The following MED12L variants were observed in gnomAD, a reference collection of about 807,000 sequenced individuals.
MED12L encodes mediator of RNA polymerase II transcription subunit 12-like protein.
In MED12L, 60 loss-of-function variants were observed where a neutral mutation model predicts 281.3. That is an observed-to-expected ratio of 0.21 (90% confidence interval 0.17 to 0.26). MED12L has a LOEUF of 0.26. Among genes scored for constraint, MED12L ranks in the 10% least tolerant of loss-of-function variants. The pLI, the probability that MED12L is intolerant of heterozygous loss-of-function variation, is 1.00. For synonymous variants in MED12L, 974 were observed against 987.2 expected, an observed-to-expected ratio of 0.99 and a Z score of 0.25; for missense variants, 2,146 against 2,680.9, an observed-to-expected ratio of 0.80 and a Z score of 4.41.
chr3:151,294,742 G>C (rs1300825179), intron 16 of MED12L: 1 of 1,614,084 alleles, frequency 6.2e-7, no homozygotes, highest in East Asian at 2.2e-5. Context: ...AAACAGCCAT[G>C]ATCACCCAAA....
At chr3:151,337,625 T>G (rs1040411530) in intron 16 of MED12L, 9 of 603,302 alleles carry the variant, frequency 1.5e-5, no homozygotes, top group Non-Finnish European at 2.0e-5. Context: ...ACAGTTTAGA[T>G]TAGTTTTCTA....
At chr3:151,188,292 A>C in intron 12 of MED12L, 62 bp from the exon 13 acceptor site, 1 of 1,356,634 alleles carries the variant, frequency 7.4e-7, no homozygotes, top group Admixed American at 2.0e-5. Context: ...AAATTAACAA[A>C]TTCATGATCT....
chr3:151,394,894 C>T, intron 39 of MED12L, 27 bp downstream of exon 39: 2 of 1,612,214 alleles, frequency 1.2e-6, no homozygotes, highest in South Asian at 1.1e-5. Context: ...GCAATGGAGT[C>T]CTTTGCATTT....
At chr3:151,291,218 A>G (rs1350073406) in intron 16 of MED12L, among the ~76,000 whole-genome samples, 2 of 149,276 alleles carry the variant, frequency 1.3e-5, no homozygotes, top group Admixed American at 6.7e-5. Flanking sequence ...TGGTCATTAC[A>G]TGTTTTTATG....
At chr3:151,205,437 T>C (rs1026266101) in intron 16 of MED12L, among the ~76,000 whole-genome samples, 2 of 152,238 alleles carry the variant, frequency 1.3e-5, no homozygotes, top group African/African-American at 4.8e-5. Context: ...ATACAAAACG[T>C]GCTTTTGATT....
At chr3:151,373,939 C>T (rs889021342) in intron 27 of MED12L, among the ~76,000 whole-genome samples, 2 of 152,110 alleles carry the variant, frequency 1.3e-5, no homozygotes, top group Admixed American at 6.6e-5. Context: ...ATTCTACGAC[C>T]TGTCTGCAGA....
Position 151,405,775 on chromosome 3 carries a change from C to G in MED12L, c.5821-3468C>G, listed in dbSNP as rs112707403. On this transcript the variant is annotated intron_variant, in intron 39 of 44. Coordinates refer to ENST00000687756, the MANE Select transcript of MED12L (RefSeq NM_001393769.1). ...AATAGGGAGAAATTAAGTTACTCTT[C>G]AGATACTAATGCTGGCAGGAAGAAG... 4.2e-3 allele frequency among the ~76,000 whole-genome samples: 632 copies of G among 152,276 alleles called. 4 individuals are homozygous for G. Among genetic ancestry groups the G allele is most frequent in the Admixed American group, 0.01 (159 of 15,294 alleles).
intron 16 of MED12L, among the ~76,000 whole-genome samples, chr3:151,273,400 G>GTTTT (rs1167031698): frequency 2.7e-5 from 2 of 73,122 alleles, no homozygotes; most frequent in South Asian, 6.0e-4. Context: ...GCTAATTTTT[G>GTTTT]TATTTTTTTT....
intron 36 of MED12L, among the ~76,000 whole-genome samples, chr3:151,386,492 C>T (rs755053550): frequency 1.2e-4 from 19 of 152,004 alleles, no homozygotes; most frequent in African/African-American, 2.9e-4. Context: ...CGGGTTCAAA[C>T]GATTCTCCTG....
At chr3:151,303,619 C>T (rs559160721) in intron 16 of MED12L, among the ~76,000 whole-genome samples, 1 of 152,200 alleles carries the variant, frequency 6.6e-6, no homozygotes, top group South Asian at 2.1e-4. Flanking sequence ...AACAATTAGC[C>T]AGATGATGTT....
intron 16 of MED12L, chr3:151,213,197 A>C: frequency 2.3e-6 from 2 of 876,468 alleles, no homozygotes; most frequent in Non-Finnish European, 3.5e-6. Flanking sequence ...TGGCAGTGCT[A>C]GAGATGATAT....
intron 11 of MED12L, among the ~76,000 whole-genome samples, chr3:151,184,640 C>A (rs902489921): frequency 6.6e-6 from 1 of 152,200 alleles, no homozygotes; most frequent in Admixed American, 6.5e-5. Context: ...CATCCTCAGT[C>A]GCTGGTGCCT....
At chr3:151,353,413 A>G (rs1753490439) in intron 17 of MED12L, among the ~76,000 whole-genome samples, 1 of 152,242 alleles carries the variant, frequency 6.6e-6, no homozygotes, top group Non-Finnish European at 1.5e-5. Context: ...CATTGAAAAA[A>G]TAAGCAGGTT....
chr3:151,231,769 T>C (rs1054204860), intron 16 of MED12L, among the ~76,000 whole-genome samples: 3 of 152,166 alleles, frequency 2.0e-5, no homozygotes, highest in African/African-American at 7.2e-5. Context: ...TTAGGTAATA[T>C]TACTGAGTAA....
chr3:151,274,246 T>G (rs567206198), intron 16 of MED12L, among the ~76,000 whole-genome samples: 3 of 152,250 alleles, frequency 2.0e-5, no homozygotes, highest in Non-Finnish European at 4.4e-5. Context: ...TAACCTGTTA[T>G]TTTGGTTAAC....
At position 151,383,779 on chromosome 3, in the gene MED12L, G is replaced by A; in HGVS notation, c.4681G>A (p.Val1561Ile). 1 of 1,606,312 alleles carries A rather than the reference G, an allele frequency of 6.2e-7. No individual in the cohort carries two copies. The highest frequency in any genetic ancestry group is 1.3e-5 in the African/African-American group (1 of 74,868). ...TATCTTACTGTATTTTGTCTGCTAG[G>A]TAGGAGGAATGTTTGACACGGTGCA... ...HEALQLRLNL[V>I]GGMFDTVQRS... Residue 1561 changes from valine to isoleucine, a missense_variant and splice_region_variant, in exon 34 of 45, where the codon GTA (valine) becomes ATA (isoleucine). Val to Ile is a conservative substitution (Grantham distance 29). Around this residue, in one of 9 missense-constraint regions of MED12L, gnomAD observed 212 missense variants for 340.8 expected, o/e 0.62. Transcript: ENST00000687756.
chr3:151,311,480 T>TA (rs1356000067), intron 16 of MED12L, among the ~76,000 whole-genome samples: 1 of 152,176 alleles, frequency 6.6e-6, no homozygotes, highest in Non-Finnish European at 1.5e-5. Flanking sequence ...ATGTAGTAAT[T>TA]ACCTTTTAAA....
chr3:151,405,113 A>T (rs533702461), intron 39 of MED12L, among the ~76,000 whole-genome samples: 2 of 152,370 alleles, frequency 1.3e-5, no homozygotes, highest in South Asian at 4.1e-4. Flanking sequence ...CTCTTCTTAT[A>T]AAGGTTAGGA....
At chr3:151,158,469 T>C (rs1183206970) in intron 6 of MED12L, among the ~76,000 whole-genome samples, 1 of 152,024 alleles carries the variant, frequency 6.6e-6, no homozygotes, top group African/African-American at 2.4e-5. Flanking sequence ...ATTGTTGGAA[T>C]GAATTTTTCT....
Sources: allele counts gnomAD v4.1 joint callset (sites outside exome capture counted in the v4.1 genomes callset), GRCh38; gene constraint gnomAD v4.1.1; regional missense constraint gnomAD v4.1.1; transcripts MANE v1.5; gene names NCBI Gene and HGNC (gene_info 2026-07-23, HGNC 2026-07-21).